Variants in YWHAB observed in about 807,000 individuals in gnomAD.
The protein encoded by YWHAB is tyrosine 3-monooxygenase/tryptophan 5-monooxygenase activation protein beta.
A neutral mutation model predicts 28.5 loss-of-function variants in YWHAB; 2 were observed. The observed-to-expected ratio is 0.07, with a 90% CI of 0.03 to 0.22. The LOEUF (loss-of-function observed/expected upper bound fraction) is 0.22, where lower values mean the gene tolerates loss of function less well. YWHAB is among the 10% of genes least tolerant of loss of function. The probability of loss-of-function intolerance (pLI) is 1.00; values close to 1 mark genes in which losing one functional copy is unlikely to be tolerated. For synonymous variants in YWHAB, 103 were observed against 104.7 expected, an observed-to-expected ratio of 0.98 and a Z score of 0.10; for missense variants, 148 against 297.1, an observed-to-expected ratio of 0.50 and a Z score of 3.69.
At position 44,906,687 on chromosome 20, in the gene YWHAB, G is replaced by A; in HGVS notation, c.*249G>A. The A allele has an allele frequency of 3.6e-6, 1 of 281,344 alleles. No individual in the cohort carries two copies. The allele number at this position is 281,344 out of a possible 1,614,324, so 17.4% of individuals were successfully genotyped here. A position where few individuals can be genotyped will look rare whatever the true frequency, so the allele number is the denominator to read the frequency against. The stretch of plus-strand genomic sequence containing the variant: ...TGATTAACATTGACAGGATTACTGT[G>A]TGTTTAATTTTTTAAAAACTGAACA... On this transcript the variant is annotated 3_prime_UTR_variant, in exon 6 of 6. Transcript: ENST00000353703.
chr20:44,888,988 C>T (rs2066544276), intron 1 of YWHAB, among the ~76,000 whole-genome samples: 2 of 152,212 alleles, frequency 1.3e-5, no homozygotes, highest in Non-Finnish European at 2.9e-5. Flanking sequence ...GTGCTACCTG[C>T]TCTTTCGGTG....
intron 1 of YWHAB, among the ~76,000 whole-genome samples, chr20:44,899,227 C>T (rs899251083): frequency 6.6e-6 from 1 of 152,126 alleles, no homozygotes; most frequent in African/African-American, 2.4e-5. Context: ...CCTGTAAGTC[C>T]CAGCACTTTG....
intron 1 of YWHAB, among the ~76,000 whole-genome samples, chr20:44,888,717 G>C (rs1332547369): frequency 3.9e-5 from 6 of 152,202 alleles, no homozygotes; most frequent in Admixed American, 3.3e-4. Flanking sequence ...GATGATAATT[G>C]CTAGCATGCA....
intron 1 of YWHAB, among the ~76,000 whole-genome samples, chr20:44,892,369 C>G (rs555397061): frequency 6.6e-6 from 1 of 151,848 alleles, no homozygotes; most frequent in East Asian, 1.9e-4. Context: ...TCCTCTAGTT[C>G]TGTCTGGTTG....
In YWHAB at chr20:44,895,281, G is replaced by T. The variant is rs574202907; in HGVS notation, c.-3-6250G>T. Reference sequence around the variant, plus strand: ...TGAGCATTGTGTTTATAGGGCATGTGGTGCTGGCCAGCCTGAGAGAAAGGT... The same window carrying T: ...TGAGCATTGTGTTTATAGGGCATGTTGTGCTGGCCAGCCTGAGAGAAAGGT... On this transcript the variant is annotated intron_variant, in intron 1 of 5. Coordinates refer to ENST00000353703, the MANE Select transcript of YWHAB (RefSeq NM_139323.4). Among the ~76,000 whole-genome samples the T allele has an allele frequency of 2.5e-3, 380 of 152,310 alleles. 2 individuals are homozygous for T. The highest frequency in any genetic ancestry group is 3.4e-3 in the Non-Finnish European group (230 of 68,034).
chr20:44,903,856 G>A, intron 2 of YWHAB, 137 bp from the exon 3 acceptor site: 2 of 977,020 alleles, frequency 2.0e-6, no homozygotes, highest in East Asian at 2.8e-5. Context: ...ACAACATTTA[G>A]TAGCTTGGAT....
rs377061623 is a variant in YWHAB at position 44,891,328 on chromosome 20, A to G, written c.-4+5442A>G. On this transcript the variant is annotated intron_variant, in intron 1 of 5. Transcript: ENST00000353703. The stretch of plus-strand genomic sequence containing the variant: ...ACCATGTTGGCCAGGCTGGTCTTGA[A>G]CTCCTGACCTCAAGTGATCACCCTC... Among the ~76,000 whole-genome samples the G allele has an allele frequency of 1.3e-3, 192 of 150,766 alleles. 1 individual carries two copies. In the Middle Eastern group the frequency reaches 0.017, roughly 14 times the overall value.
chr20:44,898,704 C>T (rs1239724632), intron 1 of YWHAB, among the ~76,000 whole-genome samples: 5 of 152,050 alleles, frequency 3.3e-5, no homozygotes, highest in Admixed American at 1.3e-4. Flanking sequence ...GACGGGGTTT[C>T]ACCGTGTTAG....
intron 3 of YWHAB, 99 bp downstream of exon 3, chr20:44,904,215 A>G: frequency 6.9e-7 from 1 of 1,442,554 alleles, no homozygotes. Context: ...CATAGACACC[A>G]ATGTCACAGT....
intron 1 of YWHAB, among the ~76,000 whole-genome samples, chr20:44,897,588 T>C (rs1398731614): frequency 1.3e-5 from 2 of 152,196 alleles, no homozygotes; most frequent in Non-Finnish European, 2.9e-5. Context: ...ATGAAGACAG[T>C]GGTCATCCTT....
chr20:44,906,367 TC>T lies in YWHAB; in HGVS notation c.685-13del, dbSNP rs764128781. 1.2e-6 allele frequency: 2 copies of T among 1,612,886 alleles called. No homozygotes were observed. The highest frequency in any genetic ancestry group is 1.1e-5 in the South Asian group (1 of 91,006). On this transcript the variant is annotated splice_polypyrimidine_tract_variant and intron_variant, in intron 5 of 5. Transcript: ENST00000353703. ...TTAGTAGCCCTGCTTTGATTATACT[TC>T]CTTTCTCTTGCAGCTGTGGACATCG...
At position 44,906,522 on chromosome 20, in the gene YWHAB, AAAAAAG is replaced by A. The variant is rs377225648; in HGVS notation, c.*86_*91del. 0.014 allele frequency: 10,213 copies of A among 746,210 alleles called. 173 individuals are homozygous for A. Among genetic ancestry groups the A allele is most frequent in the Middle Eastern group, 0.023 (38 of 1,686 alleles). 46.2% of individuals were successfully genotyped at this position (746,210 alleles called of 1,614,324 possible). On this transcript the variant is annotated 3_prime_UTR_variant, in exon 6 of 6. Transcript: ENST00000353703. ...TGTGCGATAAAAAAAAAAAAAAAAA[AAAAAAG>A]AGAATCGTACGTCGACTTTCGATTT...
intron 5 of YWHAB, 42 bp from the exon 6 acceptor site, chr20:44,906,340 T>A (rs368643545): frequency 6.2e-7 from 1 of 1,607,580 alleles, no homozygotes; most frequent in African/African-American, 1.3e-5. Flanking sequence ...CCTAGGGAAC[T>A]TTTAGTAGCC....
At position 44,908,171 on chromosome 20, in the gene YWHAB, A is replaced by AAC. The variant is rs2066670618; in HGVS notation, c.*1734_*1735insCA. The stretch of plus-strand genomic sequence containing the variant: ...TAAAACAAACCAAAAAAAAAGAAAA[A>AAC]AACAAAAAAAAAAATCCCTCCTTTC... On this transcript the variant is annotated 3_prime_UTR_variant, in exon 6 of 6. Transcript: ENST00000353703. 7.6e-6 allele frequency: 1 copy of AAC among 131,340 alleles called. No homozygotes were observed. The highest frequency in any genetic ancestry group is 3.3e-5 in the African/African-American group (1 of 30,262). The allele number at this position is 131,340 out of a possible 1,614,324, so 8.1% of individuals were successfully genotyped here. A position where few individuals can be genotyped will look rare whatever the true frequency, so the allele number is the denominator to read the frequency against.
intron 1 of YWHAB, chr20:44,887,257 A>G (rs1420681479): frequency 6.6e-6 from 1 of 152,128 alleles, no homozygotes; most frequent in African/African-American, 2.4e-5. Flanking sequence ...TGTCAATCTT[A>G]TTGGACCTAA....
At chr20:44,902,158 A>G (rs534408834) in intron 2 of YWHAB, 2 of 218,550 alleles carry the variant, frequency 9.2e-6, no homozygotes, top group Non-Finnish European at 1.8e-5. Context: ...CAGATAGGCT[A>G]TTGTGTATAT....
intron 2 of YWHAB, chr20:44,902,241 C>CA (rs1349834271): frequency 1.3e-5 from 2 of 159,948 alleles, no homozygotes; most frequent in African/African-American, 4.8e-5. Context: ...AGCCTCTCCC[C>CA]AGTCATGCCT....
rs1601096247 is a variant in YWHAB, at chr20:44,901,647, C to T, written c.114C>T (p.Leu38=). Residue 38 remains leucine, a synonymous_variant, in exon 2 of 6, where the codon CTC becomes CTT. Coordinates refer to ENST00000353703, the MANE Select transcript of YWHAB (RefSeq NM_139323.4). The stretch of plus-strand genomic sequence containing the variant: ...CAGTCACAGAACAGGGGCATGAACT[C>T]TCCAACGAAGAGAGAAATCTGCTCT... The part of the protein sequence containing the change: ...MKAVTEQGHE[L]SNEERNLLSV... 6.2e-7 allele frequency: 1 copy of T among 1,613,858 alleles called. No individual in the cohort carries two copies. Among genetic ancestry groups the T allele is most frequent in the East Asian group, 2.2e-5 (1 of 44,846 alleles).
At chr20:44,888,793 T>C (rs887371505) in intron 1 of YWHAB, among the ~76,000 whole-genome samples, 1 of 152,218 alleles carries the variant, frequency 6.6e-6, no homozygotes, top group African/African-American at 2.4e-5. Context: ...GAGAAAGTCA[T>C]CAGTTACTTT....
Sources: gnomAD v4.1 joint callset for allele counts (sites outside exome capture counted in the v4.1 genomes callset) on GRCh38, gnomAD v4.1.1 for gene constraint, MANE v1.5 for transcripts, NCBI Gene and HGNC (gene_info 2026-07-23, HGNC 2026-07-21) for gene names.